Variants in CRB1 observed in about 807,000 individuals in gnomAD.
CRB1 encodes the protein crumbs cell polarity complex component 1.
In CRB1, 83 loss-of-function variants were observed where a neutral mutation model predicts 120.0. The ratio of observed to expected loss-of-function variants is 0.69; its 90% CI spans 0.58 to 0.83. CRB1 has a LOEUF of 0.83. CRB1 is among the 40% of genes least tolerant of loss of function. The pLI is 0.00. For missense variants in CRB1, 1,699 were observed against 1,687.6 expected (o/e 1.01, Z -0.12); for synonymous variants, 625 against 612.5 (o/e 1.02, Z -0.30).
At chr1:197,227,362 A>G in the CRB1 span, among the ~76,000 whole-genome samples, 2 of 151,958 alleles carry the variant, frequency 1.3e-5, no homozygotes, top group Non-Finnish European at 2.9e-5. Context: ...TTCGAAATCC[A>G]GAAGGGTAGT....
chr1:197,296,243 T>A (rs1185475668), intron 1 of CRB1, among the ~76,000 whole-genome samples: 2 of 152,048 alleles, frequency 1.3e-5, no homozygotes, highest in Non-Finnish European at 2.9e-5. Context: ...TTGAATTCTA[T>A]CTCCACTACT....
intron 1 of CRB1, among the ~76,000 whole-genome samples, chr1:197,291,469 T>C (rs1259391409): frequency 2.0e-5 from 3 of 151,866 alleles, no homozygotes; most frequent in Non-Finnish European, 4.4e-5. Context: ...GCGAAAATCT[T>C]ATACTCAAAG....
At chr1:197,335,453 T>C (rs1420826335) in intron 2 of CRB1, among the ~76,000 whole-genome samples, 1 of 152,150 alleles carries the variant, frequency 6.6e-6, no homozygotes, top group African/African-American at 2.4e-5. Context: ...CCACTCCTTG[T>C]GGGAGAGAAG....
chr1:197,353,467 A>T (rs566674757), intron 4 of CRB1, among the ~76,000 whole-genome samples: 2 of 152,316 alleles, frequency 1.3e-5, no homozygotes, highest in East Asian at 3.9e-4. Flanking sequence ...AGCAGAGTTA[A>T]ATGATATTGC....
At chr1:197,334,810 A>T (rs1185718894) in intron 2 of CRB1, among the ~76,000 whole-genome samples, 1 of 152,224 alleles carries the variant, frequency 6.6e-6, no homozygotes, top group Non-Finnish European at 1.5e-5. Context: ...TACCTCAATG[A>T]ATTGGGCATT....
chr1:197,378,115 T>C (rs1661742994), intron 5 of CRB1, among the ~76,000 whole-genome samples: 2 of 152,196 alleles, frequency 1.3e-5, no homozygotes, highest in African/African-American at 4.8e-5. Flanking sequence ...CATTTTTACT[T>C]CCTGACATCT....
rs937362854 is a variant in CRB1 at position 197,421,299 on chromosome 1, G to A, written c.1471G>A (p.Asp491Asn). Reference protein sequence around the residue: ...EIATTLSFEGDGFLWVKSGSV... With the variant: ...EIATTLSFEGNGFLWVKSGSV... The stretch of plus-strand genomic sequence containing the variant: ...CGCAACCACACTTTCATTTGAGGGC[G>A]ATGGCTTCCTGTGGGTCAAAAGTGG... The change falls in exon 6 of 12, where the codon GAT (aspartate) becomes AAT (asparagine). Residue 491 changes from aspartate (D) to asparagine (N), a missense_variant. Coordinates refer to ENST00000367400, the MANE Select transcript of CRB1 (RefSeq NM_201253.3). 29 of 1,614,182 alleles carry A rather than the reference G, an allele frequency of 1.8e-5. No individual in the cohort carries two copies. The highest frequency in any genetic ancestry group is 8.0e-5 in the African/African-American group (6 of 75,056).
the CRB1 span, among the ~76,000 whole-genome samples, chr1:197,256,918 A>G: frequency 7.1e-5 from 10 of 141,608 alleles, no homozygotes; most frequent in African/African-American, 2.2e-4. Flanking sequence ...AAGAAACAGA[A>G]CCTATAGGAT....
At chr1:197,214,154 C>G in the CRB1 span, among the ~76,000 whole-genome samples, 1 of 151,870 alleles carries the variant, frequency 6.6e-6, no homozygotes, top group Non-Finnish European at 1.5e-5. Flanking sequence ...AAACCTTTAG[C>G]TAGACTAAGA....
Position 197,427,763 on chromosome 1 carries a change from AC to A in CRB1, c.2440del (p.Leu814Ter). 2 of 1,613,916 alleles carry A rather than the reference AC, an allele frequency of 1.2e-6. No homozygotes were observed. The highest frequency in any genetic ancestry group is 1.7e-6 in the Non-Finnish European group (2 of 1,179,950). ...ATTGAACTGTATCAGTCTTCACAAA[AC>A]CTAGGATTTATTTCTGCTTCTACGT... Reference protein sequence around the residue: ...YKIELYQSSQNLGFISASTWK... With the variant: ...YKIELYQSSQXLGFISASTWK... On this transcript the variant is annotated frameshift_variant, in exon 7 of 12. Coordinates refer to ENST00000367400, the MANE Select transcript of CRB1 (RefSeq NM_201253.3). LOFTEE classifies it high-confidence loss of function.
chr1:197,453,995 T>C (rs61829439), intron 11 of CRB1, among the ~76,000 whole-genome samples: 56,626 of 124,378 alleles, frequency 0.46, 13,625 homozygotes, highest in East Asian at 0.69. Flanking sequence ...GATATTATTA[T>C]ATTATTATTT....
intron 5 of CRB1, among the ~76,000 whole-genome samples, chr1:197,389,312 A>T (rs1379526057): frequency 6.6e-6 from 1 of 152,178 alleles, no homozygotes; most frequent in African/African-American, 2.4e-5. Context: ...ATATGGTATG[A>T]ATACTATATA....
At chr1:197,206,330 TGAGA>T in the CRB1 span, among the ~76,000 whole-genome samples, 6 of 133,888 alleles carry the variant, frequency 4.5e-5, no homozygotes, top group East Asian at 1.3e-3. Context: ...TTTAGTTCCT[TGAGA>T]TGTGACCATA....
chr1:197,436,803 G>A (rs951797024), intron 9 of CRB1, among the ~76,000 whole-genome samples: 16 of 152,178 alleles, frequency 1.1e-4, no homozygotes, highest in Middle Eastern at 6.8e-3. Context: ...TTACAGAATT[G>A]TAATAAGGCA....
At chr1:197,350,136 T>C (rs1660015353) in intron 4 of CRB1, among the ~76,000 whole-genome samples, 1 of 151,822 alleles carries the variant, frequency 6.6e-6, no homozygotes, top group Admixed American at 6.6e-5. Flanking sequence ...CTGAAAATTT[T>C]CCAAACTATG....
At chr1:197,460,677 C>A (rs1205643804) in intron 11 of CRB1, among the ~76,000 whole-genome samples, 2 of 152,096 alleles carry the variant, frequency 1.3e-5, no homozygotes, top group African/African-American at 2.4e-5. Context: ...GTTCATTTAA[C>A]CTCAAATCCT....
At chr1:197,446,995 A>T (rs1357574839) in intron 11 of CRB1, among the ~76,000 whole-genome samples, 1 of 152,184 alleles carries the variant, frequency 6.6e-6, no homozygotes, top group Non-Finnish European at 1.5e-5. Flanking sequence ...TTGTATATGT[A>T]ATCCATTTGT....
intron 11 of CRB1, among the ~76,000 whole-genome samples, chr1:197,447,747 G>A (rs1272671691): frequency 6.6e-6 from 1 of 151,854 alleles, no homozygotes; most frequent in East Asian, 1.9e-4. Flanking sequence ...TACTAAGGAG[G>A]CTGAGGCTAG....
chr1:197,385,799 A>G (rs918832977), intron 5 of CRB1, among the ~76,000 whole-genome samples: 4 of 152,194 alleles, frequency 2.6e-5, no homozygotes, highest in African/African-American at 9.6e-5. Flanking sequence ...ATGAAAATAC[A>G]TAGTTAACAT....
Sources: allele counts gnomAD v4.1 joint callset (sites outside exome capture counted in the v4.1 genomes callset), GRCh38; gene constraint gnomAD v4.1.1; transcripts MANE v1.5; gene names NCBI Gene and HGNC (gene_info 2026-07-23, HGNC 2026-07-21).